CREBBP: variants seen among roughly 807,000 people sequenced by gnomAD.
CREBBP encodes the protein CREB-binding protein.
A neutral mutation model predicts 265.0 loss-of-function variants in CREBBP; 19 were observed. The ratio of observed to expected loss-of-function variants is 0.07; its 90% CI spans 0.05 to 0.11. CREBBP has a LOEUF of 0.11. Ranked by LOEUF, CREBBP falls within the 10% of genes least tolerant of loss-of-function variation. The pLI is 1.00. For missense variants in CREBBP, 2,525 were observed against 3,219.0 expected (o/e 0.78, Z 5.22); for synonymous variants, 1,457 against 1,223.7 (o/e 1.19, Z -3.98).
At chr16:3,868,742 A>G (rs1260761654) in intron 1 of CREBBP, among the ~76,000 whole-genome samples, 1 of 152,092 alleles carries the variant, frequency 6.6e-6, no homozygotes, top group African/African-American at 2.4e-5. Flanking sequence ...GTGAAATGCT[A>G]TAGGCCACGG....
At chr16:3,740,945 G>A (rs2052189459) in intron 23 of CREBBP, 2 of 354,940 alleles carry the variant, frequency 5.6e-6, no homozygotes, top group Admixed American at 7.7e-5. Flanking sequence ...GCCCAGCTCT[G>A]AGGAGAAAGT....
At chr16:3,807,162 CAT>C (rs1167461373) in intron 3 of CREBBP, among the ~76,000 whole-genome samples, 5 of 152,184 alleles carry the variant, frequency 3.3e-5, no homozygotes, top group African/African-American at 1.2e-4. Context: ...GCTTTCAACA[CAT>C]GTGACAAATT....
chr16:3,750,957 C>CG (rs2052458822), intron 20 of CREBBP, among the ~76,000 whole-genome samples: 1 of 152,082 alleles, frequency 6.6e-6, no homozygotes, highest in Non-Finnish European at 1.5e-5. Context: ...TTTACATGGT[C>CG]GGGCATGGTG....
intron 1 of CREBBP, among the ~76,000 whole-genome samples, chr16:3,858,862 T>C (rs958870004): frequency 1.3e-5 from 2 of 152,202 alleles, no homozygotes; most frequent in African/African-American, 4.8e-5. Flanking sequence ...AACCCTAGAA[T>C]TGATACACAG....
At chr16:3,816,364 C>G (rs2054036067) in intron 2 of CREBBP, among the ~76,000 whole-genome samples, 1 of 152,192 alleles carries the variant, frequency 6.6e-6, no homozygotes, top group Admixed American at 6.5e-5. Flanking sequence ...AAGCCAGATC[C>G]TGAGGTTTCC....
intron 2 of CREBBP, among the ~76,000 whole-genome samples, chr16:3,810,986 G>C (rs1180175956): frequency 6.6e-6 from 1 of 151,940 alleles, no homozygotes; most frequent in East Asian, 1.9e-4. Context: ...CATCCCGCAA[G>C]TAGACGAGCT....
intron 3 of CREBBP, among the ~76,000 whole-genome samples, chr16:3,799,318 A>G (rs930526822): frequency 1.3e-5 from 2 of 152,248 alleles, no homozygotes; most frequent in African/African-American, 2.4e-5. Flanking sequence ...TACATGAATT[A>G]TATCTTAAAA....
chr16:3,764,591 A>C (rs1046499431), intron 16 of CREBBP, among the ~76,000 whole-genome samples: 1 of 151,684 alleles, frequency 6.6e-6, no homozygotes, highest in African/African-American at 2.4e-5. Flanking sequence ...TTAATTAATT[A>C]ATTTATTTTT....
chr16:3,849,431 GTGTGTGTGTGTGTGTGTGTGTGTGTGTGT>G lies in CREBBP; in HGVS notation c.798+837_798+865del, dbSNP rs2054753746. ...TGTGTGTGTGTGTGTGTGTGTGTGTGTGTGTGTGTGTGTGTGTGTGTGTGTGTGTGTGTGTGTGTGTGTGTGTGTGTGTG... is the reference window on the plus strand; with the variant it reads ...TGTGTGTGTGTGTGTGTGTGTGTGTGGTGTGTGTGTGTGTGTGTGTGTGTG... On this transcript the variant is annotated intron_variant, in intron 2 of 30. Coordinates refer to ENST00000262367, the MANE Select transcript of CREBBP (RefSeq NM_004380.3). 7.6e-4 allele frequency among the ~76,000 whole-genome samples: 11 copies of G among 14,492 alleles called. No homozygotes were observed. The East Asian group carries it at 0.024, about 31-fold the overall frequency. The allele number at this position is 14,492 out of a possible 152,430, so 9.5% of individuals were successfully genotyped here.
chr16:3,771,830 AG>A (rs945950101), intron 13 of CREBBP, among the ~76,000 whole-genome samples: 32 of 150,128 alleles, frequency 2.1e-4, no homozygotes, highest in African/African-American at 6.6e-4. Context: ...AAAAAAAAAA[AG>A]ACAGAGTCTC....
chr16:3,870,143 TA>T (rs796771966), intron 1 of CREBBP, among the ~76,000 whole-genome samples: 211 of 143,698 alleles, frequency 1.5e-3, no homozygotes, highest in Middle Eastern at 3.5e-3. Context: ...CTTTTACTTA[TA>T]AAAAAAAAAA....
At chr16:3,750,143 G>A (rs1488334710) in intron 20 of CREBBP, among the ~76,000 whole-genome samples, 3 of 152,150 alleles carry the variant, frequency 2.0e-5, no homozygotes. Context: ...TGGGACTACA[G>A]GTACAAACCA....
rs2054205880 is a variant in CREBBP at position 3,824,720 on chromosome 16, C to G, written c.799-13941G>C. ...CCTAGGCTGAACCATACCCGGTCAA[C>G]TTGGAGACTACAACTGCCAAGCAGG... On this transcript the variant is annotated intron_variant, in intron 2 of 30. Transcript: ENST00000262367. Among the ~76,000 whole-genome samples the G allele has an allele frequency of 1.3e-5, 2 of 152,224 alleles. 1 individual carries two copies. Among genetic ancestry groups the G allele is most frequent in the Admixed American group, 1.3e-4 (2 of 15,284 alleles).
At chr16:3,849,488 TGA>T (rs1329195353) in intron 2 of CREBBP, among the ~76,000 whole-genome samples, 7 of 125,432 alleles carry the variant, frequency 5.6e-5, no homozygotes, top group South Asian at 2.8e-4. Context: ...TGTGTGTGTG[TGA>T]TGTGCGTGAC....
chr16:3,867,644 A>G (rs1327160802), intron 1 of CREBBP, among the ~76,000 whole-genome samples: 1 of 151,962 alleles, frequency 6.6e-6, no homozygotes, highest in Non-Finnish European at 1.5e-5. Flanking sequence ...TGGGCCGAGC[A>G]TAGTGGCTCA....
chr16:3,836,162 G>A (rs112656633), intron 2 of CREBBP, among the ~76,000 whole-genome samples: 1,530 of 151,760 alleles, frequency 0.01, 29 homozygotes, highest in African/African-American at 0.034. Flanking sequence ...GCAGCTGGGC[G>A]CGGTGGCTCA....
chr16:3,832,138 T>G (rs1023974084), intron 2 of CREBBP, among the ~76,000 whole-genome samples: 1 of 151,918 alleles, frequency 6.6e-6, no homozygotes, highest in Non-Finnish European at 1.5e-5. Flanking sequence ...AGCAGAAAAT[T>G]TGAATAGCTA....
chr16:3,779,471 G>C (rs1035322561), intron 8 of CREBBP, among the ~76,000 whole-genome samples: 2 of 152,250 alleles, frequency 1.3e-5, no homozygotes, highest in African/African-American at 2.4e-5. Flanking sequence ...ACTGCACCTG[G>C]CCTGAAGCTA....
chr16:3,778,028 T>C lies in CREBBP; in HGVS notation c.2096A>G (p.Gln699Arg). 6.2e-7 allele frequency: 1 copy of C among 1,614,230 alleles called. No individual in the cohort carries two copies. Among genetic ancestry groups the C allele is most frequent in the South Asian group, 1.1e-5 (1 of 91,090 alleles). The change falls in exon 10 of 31, where the codon CAA (glutamine) becomes CGA (arginine). Residue 699 changes from glutamine to arginine, a missense_variant. Around this residue, in one of 19 missense-constraint regions of CREBBP, gnomAD observed 548 missense variants for 533.0 expected, o/e 1.03. Transcript: ENST00000262367. ...ATCCTTACTTGGAGGTCTCACAGGT[T>C]GTGCCTGTGGAATCACAGGGGGCTG... is the stretch of plus-strand genomic sequence containing the variant. The part of the protein sequence containing the change: ...GAQPPVIPQA[Q>R]PVRPPNGPLS...
Sources: gnomAD v4.1 joint callset for allele counts (sites outside exome capture counted in the v4.1 genomes callset) on GRCh38, gnomAD v4.1.1 for gene constraint, gnomAD v4.1.1 regional missense constraint, MANE v1.5 for transcripts, NCBI Gene and HGNC (gene_info 2026-07-23, HGNC 2026-07-21) for gene names.